FBLN7: variants seen among roughly 807,000 people sequenced by gnomAD.
FBLN7 encodes fibulin 7, also known as fibulin-7.
FBLN7 carries 31 observed loss-of-function variants against 44.0 expected under a neutral mutation model. The ratio of observed to expected loss-of-function variants is 0.70; its 90% confidence interval spans 0.53 to 0.95. The LOEUF is 0.95. Ranked by LOEUF, FBLN7 falls within the 40% of genes least tolerant of loss-of-function variation. The pLI is 0.00. For synonymous variants in FBLN7, 262 were observed against 253.4 expected (o/e 1.03, Z -0.32); for missense variants, 573 against 618.5 (o/e 0.93, Z 0.78).
At chr2:112,239,702 A>T in the FBLN7 span, among the ~76,000 whole-genome samples, 1 of 147,390 alleles carries the variant, frequency 6.8e-6, no homozygotes, top group Non-Finnish European at 1.5e-5. Context: ...CCCTTGCCTC[A>T]GCCTCCCGAG....
At chr2:112,191,930 AT>A (rs1683503405), downstream of FBLN7, among the ~76,000 whole-genome samples, 1 of 152,114 alleles carries the variant, frequency 6.6e-6, no homozygotes, top group Non-Finnish European at 1.5e-5. Context: ...CCTCCACCCT[AT>A]TTCCTGCTTC....
At chr2:112,236,158 G>A in the FBLN7 span, among the ~76,000 whole-genome samples, 2 of 152,214 alleles carry the variant, frequency 1.3e-5, no homozygotes, top group African/African-American at 4.8e-5. Flanking sequence ...CAGCTACTCA[G>A]GAGGCTGAGG....
At chr2:112,232,140 C>T in the FBLN7 span, among the ~76,000 whole-genome samples, 22 of 152,008 alleles carry the variant, frequency 1.4e-4, no homozygotes, top group African/African-American at 4.8e-4. Flanking sequence ...CGAAACCTCG[C>T]CTTTACTAAA....
chr2:112,190,091 T>G (rs1683436473), downstream of FBLN7: 1 of 152,202 alleles, frequency 6.6e-6, no homozygotes, highest in Admixed American at 6.5e-5. Flanking sequence ...GTCATTTATA[T>G]TGTAGAATTT....
At chr2:112,150,291 G>A (rs1258529451) in intron 1 of FBLN7, among the ~76,000 whole-genome samples, 1 of 152,082 alleles carries the variant, frequency 6.6e-6, no homozygotes, top group Non-Finnish European at 1.5e-5. Context: ...CTGCCCCTGG[G>A]GAGCTGAGAG....
chr2:112,160,840 GCACACGCGCACACA>G (rs1681823982), intron 2 of FBLN7, among the ~76,000 whole-genome samples: 1 of 111,752 alleles, frequency 8.9e-6, no homozygotes, highest in Non-Finnish European at 1.9e-5. Context: ...ATACACGCAC[GCACACGCGCACACA>G]CACACACACA....
chr2:112,229,357 ACT>A, the FBLN7 span, among the ~76,000 whole-genome samples: 2 of 152,076 alleles, frequency 1.3e-5, no homozygotes, highest in African/African-American at 4.8e-5. Context: ...TTACAGTTAT[ACT>A]CTTTTTTCAT....
At chr2:112,195,580 G>C in the FBLN7 span, among the ~76,000 whole-genome samples, 1 of 152,194 alleles carries the variant, frequency 6.6e-6, no homozygotes, top group African/African-American at 2.4e-5. Context: ...GGGGGTGCCA[G>C]ACCTGGGCTT....
At chr2:112,230,325 G>A in the FBLN7 span, among the ~76,000 whole-genome samples, 1 of 152,168 alleles carries the variant, frequency 6.6e-6, no homozygotes, top group African/African-American at 2.4e-5. Context: ...TAAATTTTAT[G>A]ATGATATGAT....
chr2:112,147,310 C>G (rs1680940778), intron 1 of FBLN7, among the ~76,000 whole-genome samples: 1 of 152,190 alleles, frequency 6.6e-6, no homozygotes, highest in Non-Finnish European at 1.5e-5. Flanking sequence ...GCACCTCTCT[C>G]TTGAGGCACC....
chr2:112,232,076 G>A, the FBLN7 span: 3 of 448,962 alleles, frequency 6.7e-6, no homozygotes, highest in Non-Finnish European at 1.2e-5. Flanking sequence ...GTAGGAGGCG[G>A]AGGTGGGCAG....
chr2:112,223,547 T>C, the FBLN7 span, among the ~76,000 whole-genome samples: 1 of 152,278 alleles, frequency 6.6e-6, no homozygotes, highest in Middle Eastern at 3.4e-3. Context: ...TATCTGCATA[T>C]ATTACTTTTA....
the FBLN7 span, among the ~76,000 whole-genome samples, chr2:112,223,395 A>AAAAT: frequency 6.6e-6 from 1 of 152,200 alleles, no homozygotes; most frequent in African/African-American, 2.4e-5. Flanking sequence ...AGAATAGAAT[A>AAAAT]AAATAAATAA....
chr2:112,232,045 C>T, the FBLN7 span: 375 of 648,916 alleles, frequency 5.8e-4, 1 homozygote, highest in African/African-American at 6.1e-3. Flanking sequence ...CCTCTGTGGC[C>T]GGGCGAGGTG....
At chr2:112,158,614 T>C (rs1277957357) in intron 1 of FBLN7, among the ~76,000 whole-genome samples, 1 of 151,970 alleles carries the variant, frequency 6.6e-6, no homozygotes, top group African/African-American at 2.4e-5. Flanking sequence ...TTTAAAAATA[T>C]TTGTAGTTGA....
chr2:112,157,935 C>T (rs1337138269), intron 1 of FBLN7, among the ~76,000 whole-genome samples: 6 of 140,766 alleles, frequency 4.3e-5, no homozygotes, highest in Admixed American at 1.5e-4. Context: ...GTCTCGCTGT[C>T]GCCCAGGTTG....
chr2:112,146,318 A>C (rs1256715547), intron 1 of FBLN7, among the ~76,000 whole-genome samples: 1 of 152,150 alleles, frequency 6.6e-6, no homozygotes, highest in Non-Finnish European at 1.5e-5. Flanking sequence ...CAAGAGCAAA[A>C]CTCTGTCTCA....
At chr2:112,185,833 A>G (rs1683242098) in intron 7 of FBLN7, among the ~76,000 whole-genome samples, 1 of 150,688 alleles carries the variant, frequency 6.6e-6, no homozygotes, top group South Asian at 2.1e-4. Flanking sequence ...AAGGTTCTAC[A>G]TCTAGTAACT....
At chr2:112,227,181 C>T in the FBLN7 span, among the ~76,000 whole-genome samples, 16 of 152,214 alleles carry the variant, frequency 1.1e-4, no homozygotes, top group Non-Finnish European at 1.8e-4. Context: ...TAGAAGGTTT[C>T]AGCCAGTGAA....
Sources: gnomAD v4.1 joint callset for allele counts (sites outside exome capture counted in the v4.1 genomes callset) on GRCh38, gnomAD v4.1.1 for gene constraint, MANE v1.5 for transcripts, NCBI Gene and HGNC (gene_info 2026-07-23, HGNC 2026-07-21) for gene names.